The following PPARGC1A variants were observed in gnomAD, a reference collection of about 807,000 sequenced individuals.
PPARGC1A encodes the protein PPARG coactivator 1 alpha.
Under a neutral mutation model 88.7 loss-of-function variants are expected in PPARGC1A, and 25 were observed. That is an observed-to-expected ratio of 0.28 (90% CI 0.21 to 0.39). PPARGC1A has a LOEUF of 0.39. Ranked by LOEUF, PPARGC1A falls within the 10% of genes least tolerant of loss-of-function variation. PPARGC1A has a pLI of 1.00. For missense variants in PPARGC1A, 880 were observed against 968.7 expected (o/e 0.91, Z 1.22); for synonymous variants, 363 against 355.6 (o/e 1.02, Z -0.24).
At chr4:23,990,220 G>A in the PPARGC1A span, among the ~76,000 whole-genome samples, 1 of 149,412 alleles carries the variant, frequency 6.7e-6, no homozygotes, top group African/African-American at 2.5e-5. Flanking sequence ...TTATATATAT[G>A]ATAATGGATA....
chr4:24,158,577 C>G, the PPARGC1A span, among the ~76,000 whole-genome samples: 61 of 152,274 alleles, frequency 4.0e-4, no homozygotes, highest in African/African-American at 1.3e-3. Flanking sequence ...GAAAGAAAGG[C>G]ATTTAAGTTA....
At chr4:24,247,664 G>T in the PPARGC1A span, among the ~76,000 whole-genome samples, 1 of 152,336 alleles carries the variant, frequency 6.6e-6, no homozygotes, top group Admixed American at 6.5e-5. Flanking sequence ...CGAGGTAGTT[G>T]CCAGGATTGG....
intron 2 of PPARGC1A, among the ~76,000 whole-genome samples, chr4:23,875,191 A>G (rs1714442326): frequency 2.0e-5 from 3 of 152,220 alleles, no homozygotes; most frequent in Non-Finnish European, 4.4e-5. Context: ...AGTCCTCAAC[A>G]TCTTTATTTG....
chr4:24,396,529 C>T, the PPARGC1A span, among the ~76,000 whole-genome samples: 1 of 152,148 alleles, frequency 6.6e-6, no homozygotes, highest in East Asian at 1.9e-4. Context: ...TGAAAGAATG[C>T]CGACATGGCT....
chr4:24,094,816 G>A, the PPARGC1A span, among the ~76,000 whole-genome samples: 3 of 151,974 alleles, frequency 2.0e-5, no homozygotes, highest in Non-Finnish European at 4.4e-5. Context: ...AAAAGAATAG[G>A]TTTTTTTCTT....
chr4:23,829,547 T>C lies in PPARGC1A; in HGVS notation c.468A>G (p.Leu156=). The C allele has an allele frequency of 6.2e-7, 1 of 1,613,386 alleles. No individual in the cohort carries two copies. The highest frequency in any genetic ancestry group is 1.3e-5 in the African/African-American group (1 of 75,044). The part of the protein sequence containing the change: ...KLLLAPANTQ[L]SYNECSGLST... Reference sequence around the variant, plus strand: ...TGAGACCACTGCATTCATTATAACTTAGCTGAGTGTTGGCTGGTGCCAGTA... The same window carrying C: ...TGAGACCACTGCATTCATTATAACTCAGCTGAGTGTTGGCTGGTGCCAGTA... Residue 156 remains leucine, a synonymous_variant, in exon 4 of 13, where the codon CTA becomes CTG. Coordinates refer to ENST00000264867, the MANE Select transcript of PPARGC1A (RefSeq NM_013261.5).
the PPARGC1A span, among the ~76,000 whole-genome samples, chr4:24,399,830 C>A: frequency 2.6e-5 from 4 of 151,556 alleles, no homozygotes; most frequent in East Asian, 7.8e-4. Flanking sequence ...ACTCTGTCAC[C>A]CAGGCTGGAG....
chr4:24,250,873 CACA>C, the PPARGC1A span, among the ~76,000 whole-genome samples: 2 of 152,178 alleles, frequency 1.3e-5, no homozygotes, highest in Admixed American at 6.5e-5. Context: ...TGTTGTTTCA[CACA>C]ACAATTATTT....
chr4:24,022,047 G>C, the PPARGC1A span, among the ~76,000 whole-genome samples: 1 of 152,178 alleles, frequency 6.6e-6, no homozygotes, highest in Admixed American at 6.5e-5. Flanking sequence ...TGCTAGGGAA[G>C]ACAGTGGTGT....
At chr4:23,926,951 C>T in the PPARGC1A span, among the ~76,000 whole-genome samples, 3 of 152,196 alleles carry the variant, frequency 2.0e-5, no homozygotes, top group Admixed American at 2.0e-4. Flanking sequence ...TTACTGAATA[C>T]ATGATCTATC....
the PPARGC1A span, among the ~76,000 whole-genome samples, chr4:24,049,898 A>G: frequency 1.3e-5 from 2 of 152,148 alleles, no homozygotes; most frequent in South Asian, 4.1e-4. Context: ...TGAGAAGGGG[A>G]AAAGCACAGA....
the PPARGC1A span, among the ~76,000 whole-genome samples, chr4:24,358,140 G>C: frequency 6.6e-6 from 1 of 152,174 alleles, no homozygotes; most frequent in Non-Finnish European, 1.5e-5. Flanking sequence ...TTACAGATGA[G>C]GAAACTGAGG....
chr4:24,124,045 T>G, the PPARGC1A span, among the ~76,000 whole-genome samples: 1 of 152,056 alleles, frequency 6.6e-6, no homozygotes, highest in Non-Finnish European at 1.5e-5. Context: ...ATTGGAGGGT[T>G]ATAATAACCA....
At chr4:24,217,340 T>C in the PPARGC1A span, among the ~76,000 whole-genome samples, 1 of 152,214 alleles carries the variant, frequency 6.6e-6, no homozygotes. Flanking sequence ...TGTCCTATGG[T>C]CTTCTTAGAC....
chr4:24,071,739 AT>A, the PPARGC1A span, among the ~76,000 whole-genome samples: 1 of 152,176 alleles, frequency 6.6e-6, no homozygotes, highest in Non-Finnish European at 1.5e-5. Flanking sequence ...AGGAAAGGGC[AT>A]CAGACCCAAG....
the PPARGC1A span, among the ~76,000 whole-genome samples, chr4:24,179,171 T>C: frequency 0.011 from 1,730 of 152,288 alleles, 38 homozygotes; most frequent in African/African-American, 0.039. Flanking sequence ...GCTGAGGGAC[T>C]AGTACATTAT....
At chr4:24,223,283 T>C in the PPARGC1A span, among the ~76,000 whole-genome samples, 2 of 146,438 alleles carry the variant, frequency 1.4e-5, no homozygotes, top group African/African-American at 2.5e-5. Context: ...AGAGTCTTGC[T>C]CTGTGGCCCA....
At chr4:23,817,717 T>C (rs1722236344) in intron 7 of PPARGC1A, among the ~76,000 whole-genome samples, 1 of 152,126 alleles carries the variant, frequency 6.6e-6, no homozygotes, top group South Asian at 2.1e-4. Context: ...GCTAATTCCC[T>C]AAACCCTTCA....
the PPARGC1A span, among the ~76,000 whole-genome samples, chr4:24,323,894 G>C: frequency 4.7e-4 from 71 of 152,236 alleles, no homozygotes; most frequent in East Asian, 6.6e-3. Context: ...CTCTTCTCCA[G>C]CTTCCCTCAC....
Sources: gnomAD v4.1 joint callset for allele counts (sites outside exome capture counted in the v4.1 genomes callset) on GRCh38, gnomAD v4.1.1 for gene constraint, MANE v1.5 for transcripts, NCBI Gene and HGNC (gene_info 2026-07-23, HGNC 2026-07-21) for gene names.